Variants in ROBO1 observed in about 807,000 individuals in gnomAD.
The protein encoded by ROBO1 is roundabout homolog 1.
A neutral mutation model predicts 195.9 loss-of-function variants in ROBO1; 149 were observed. That is an observed-to-expected ratio of 0.76 (90% confidence interval 0.67 to 0.87). ROBO1 has a LOEUF of 0.87. ROBO1 is among the 40% of genes least tolerant of loss of function. The pLI is 0.00. For missense variants in ROBO1, 1,933 were observed against 2,068.3 expected, an observed-to-expected ratio of 0.93 and a Z score of 1.27; for synonymous variants, 816 against 733.2, an observed-to-expected ratio of 1.11 and a Z score of -1.82.
chr3:79,671,896 T>A (rs1946643132), intron 1 of ROBO1, among the ~76,000 whole-genome samples: 1 of 151,914 alleles, frequency 6.6e-6, no homozygotes, highest in Non-Finnish European at 1.5e-5. Context: ...TTCATTAGCT[T>A]ACTAATGTAA....
At chr3:79,698,610 G>A (rs11127659) in intron 1 of ROBO1, among the ~76,000 whole-genome samples, 45,861 of 151,268 alleles carry the variant, frequency 0.3, 7,899 homozygotes, top group East Asian at 0.53. Context: ...TTTCCCTCCT[G>A]AATTATTTTC....
chr3:78,920,722 C>T (rs1168440457), intron 4 of ROBO1, among the ~76,000 whole-genome samples: 21 of 144,636 alleles, frequency 1.5e-4, no homozygotes, highest in Admixed American at 1.4e-3. Context: ...GCAGCCTCAA[C>T]CTCTGGGCCG....
intron 4 of ROBO1, among the ~76,000 whole-genome samples, chr3:78,826,990 C>T (rs1446112589): frequency 2.0e-5 from 3 of 151,952 alleles, no homozygotes; most frequent in African/African-American, 4.8e-5. Flanking sequence ...CTTATACGTA[C>T]TTAAATTTTA....
intron 4 of ROBO1, among the ~76,000 whole-genome samples, chr3:78,910,144 A>C (rs543539621): frequency 4.6e-5 from 7 of 151,956 alleles, no homozygotes; most frequent in Admixed American, 1.3e-4. Context: ...CAAATGATGG[A>C]TAATAATTTT....
chr3:78,893,022 A>G (rs1277361046), intron 4 of ROBO1, among the ~76,000 whole-genome samples: 1 of 151,964 alleles, frequency 6.6e-6, no homozygotes, highest in Non-Finnish European at 1.5e-5. Flanking sequence ...AGGAGGAAAG[A>G]CCTCTCCCTT....
intron 4 of ROBO1, among the ~76,000 whole-genome samples, chr3:78,870,081 T>C (rs1003914632): frequency 2.6e-5 from 4 of 152,188 alleles, no homozygotes; most frequent in Non-Finnish European, 5.9e-5. Context: ...ATGGAAAATA[T>C]AGGTCACAAA....
chr3:79,289,886 C>T (rs532253874), intron 2 of ROBO1, among the ~76,000 whole-genome samples: 1 of 152,090 alleles, frequency 6.6e-6, no homozygotes, highest in East Asian at 1.9e-4. Flanking sequence ...ATATTATTTT[C>T]TACCTATGTC....
At chr3:78,799,491 A>G (rs535606036) in intron 4 of ROBO1, among the ~76,000 whole-genome samples, 43 of 151,932 alleles carry the variant, frequency 2.8e-4, no homozygotes, top group South Asian at 1.5e-3. Flanking sequence ...ACAGGCGCCC[A>G]CCACCATGCC....
rs2078091007 is a variant in ROBO1 at position 79,021,060 on chromosome 3, T to G, written c.173-82133A>C. On this transcript the variant is annotated intron_variant, in intron 3 of 30. Coordinates refer to ENST00000464233, the MANE Select transcript of ROBO1 (RefSeq NM_002941.4). ...TTAGAGCGACATTTTGTGGAAACTC[T>G]GGTTAACAGCACCTATCTTTGAAAG... Among the ~76,000 whole-genome samples, 3 of 152,180 alleles carry G rather than the reference T, an allele frequency of 2.0e-5. No individual in the cohort carries two copies. In the South Asian group the frequency reaches 6.2e-4, roughly 31 times the overall value.
At chr3:79,464,758 A>C (rs759432793) in intron 2 of ROBO1, among the ~76,000 whole-genome samples, 1 of 152,090 alleles carries the variant, frequency 6.6e-6, no homozygotes, top group Admixed American at 6.6e-5. Flanking sequence ...AAATTCATCT[A>C]TTTTTTGTCA....
chr3:79,590,565 G>C (rs1943966740), intron 1 of ROBO1, among the ~76,000 whole-genome samples: 2 of 151,694 alleles, frequency 1.3e-5, no homozygotes, highest in Admixed American at 1.3e-4. Flanking sequence ...CTTCTTAAGA[G>C]ATAATAACAA....
intron 2 of ROBO1, among the ~76,000 whole-genome samples, chr3:79,392,703 G>T (rs1360544079): frequency 1.3e-5 from 2 of 152,110 alleles, no homozygotes; most frequent in Non-Finnish European, 2.9e-5. Flanking sequence ...TTTTCCTGTG[G>T]TTCTCCTCTG....
chr3:79,759,685 T>G, intron 1 of ROBO1, among the ~76,000 whole-genome samples: 1 of 152,250 alleles, frequency 6.6e-6, no homozygotes, highest in Non-Finnish European at 1.5e-5. Context: ...AATCCGATTT[T>G]GTTTGAAGTC....
At chr3:78,998,560 T>A (rs1017587682) in intron 3 of ROBO1, among the ~76,000 whole-genome samples, 1 of 152,164 alleles carries the variant, frequency 6.6e-6, no homozygotes, top group African/African-American at 2.4e-5. Flanking sequence ...CAATTCCCAG[T>A]GTTTCTTGTA....
intron 1 of ROBO1, among the ~76,000 whole-genome samples, chr3:79,654,141 G>A (rs190331182): frequency 7.2e-5 from 11 of 152,008 alleles, no homozygotes; most frequent in Middle Eastern, 6.8e-3. Context: ...ATATTACTCC[G>A]TCTACTAATG....
chr3:79,583,519 C>T (rs1016794484), intron 2 of ROBO1, among the ~76,000 whole-genome samples: 66 of 151,482 alleles, frequency 4.4e-4, no homozygotes, highest in African/African-American at 1.5e-3. Context: ...ATATTTCTTC[C>T]TAAGGAAGAA....
chr3:79,575,010 T>C (rs1488199842), intron 2 of ROBO1, among the ~76,000 whole-genome samples: 1 of 150,012 alleles, frequency 6.7e-6, no homozygotes, highest in Non-Finnish European at 1.5e-5. Context: ...TCTCATTACA[T>C]GTTTCCTTAG....
chr3:79,212,823 AAAAATAAAATAAAATAAAT>A (rs1348281162), intron 2 of ROBO1, among the ~76,000 whole-genome samples: 5 of 149,970 alleles, frequency 3.3e-5, no homozygotes, highest in Admixed American at 3.3e-4. Flanking sequence ...CTGTCTCAGA[AAAAATAAAATAAAATAAAT>A]AAAATAAAAT....
intron 2 of ROBO1, among the ~76,000 whole-genome samples, chr3:79,417,915 T>C (rs2038070741): frequency 1.3e-5 from 2 of 152,270 alleles, no homozygotes; most frequent in Non-Finnish European, 2.9e-5. Flanking sequence ...GTTTAAGTTA[T>C]AGTTCTGGTT....
Sources: gnomAD v4.1 joint callset for allele counts (sites outside exome capture counted in the v4.1 genomes callset) on GRCh38, gnomAD v4.1.1 for gene constraint, MANE v1.5 for transcripts, NCBI Gene and HGNC (gene_info 2026-07-23, HGNC 2026-07-21) for gene names.